The following HEMK2 variants were observed in gnomAD, a reference collection of about 807,000 sequenced individuals.
HEMK2 encodes the protein methyltransferase HEMK2.
the HEMK2 span, among the ~76,000 whole-genome samples, chr21:28,806,283 C>G: frequency 6.6e-6 from 1 of 152,216 alleles, no homozygotes; most frequent in South Asian, 2.1e-4. Flanking sequence ...AATAAATCTA[C>G]AAGGCAATAG....
the HEMK2 span, among the ~76,000 whole-genome samples, chr21:28,582,244 G>T: frequency 1.3e-5 from 2 of 152,104 alleles, no homozygotes; most frequent in Non-Finnish European, 2.9e-5. Context: ...TATTAGTCTC[G>T]CTTTGTTCCA....
the HEMK2 span, chr21:28,873,136 G>C: frequency 6.6e-6 from 1 of 152,148 alleles, no homozygotes; most frequent in Non-Finnish European, 1.5e-5. Context: ...CATTCCACCA[G>C]AAACACTCTA....
the HEMK2 span, among the ~76,000 whole-genome samples, chr21:28,637,203 G>T: frequency 6.6e-6 from 1 of 152,052 alleles, no homozygotes; most frequent in East Asian, 1.9e-4. Context: ...GGGCAGAAAG[G>T]GTATGTGTGT....
chr21:28,879,739 T>C, the HEMK2 span: 1 of 586,850 alleles, frequency 1.7e-6, no homozygotes, highest in Non-Finnish European at 2.8e-6. Context: ...ACTCAATTAC[T>C]GACAATTAGG....
At chr21:28,637,092 T>C in the HEMK2 span, among the ~76,000 whole-genome samples, 1 of 152,230 alleles carries the variant, frequency 6.6e-6, no homozygotes, top group Non-Finnish European at 1.5e-5. Context: ...GCAAATCTTC[T>C]GCTAAGTCAT....
At chr21:28,837,728 T>C in the HEMK2 span, among the ~76,000 whole-genome samples, 15 of 151,456 alleles carry the variant, frequency 9.9e-5, no homozygotes, top group Non-Finnish European at 2.1e-4. Flanking sequence ...ACAAAAAAAA[T>C]ACAAAAGATA....
the HEMK2 span, among the ~76,000 whole-genome samples, chr21:28,877,559 AAAAGG>A: frequency 6.3e-5 from 9 of 141,970 alleles, no homozygotes; most frequent in South Asian, 2.5e-4. Flanking sequence ...AAAGAAAAAG[AAAAGG>A]AAAGGAAAGA....
At chr21:28,733,274 G>A in the HEMK2 span, among the ~76,000 whole-genome samples, 13 of 152,108 alleles carry the variant, frequency 8.5e-5, no homozygotes, top group African/African-American at 2.9e-4. Context: ...GCAAGACTCC[G>A]TCTCAAAAAA....
the HEMK2 span, among the ~76,000 whole-genome samples, chr21:28,877,297 G>GAAGAAAGA: frequency 4.7e-5 from 6 of 126,460 alleles, no homozygotes; most frequent in African/African-American, 1.9e-4. Flanking sequence ...AGGAAGGAAG[G>GAAGAAAGA]AAGAGAGAGA....
the HEMK2 span, among the ~76,000 whole-genome samples, chr21:28,595,576 C>T: frequency 6.6e-6 from 1 of 152,124 alleles, no homozygotes; most frequent in South Asian, 2.1e-4. Flanking sequence ...AACCATTCAT[C>T]TGTTGATGAA....
At chr21:28,603,801 T>C in the HEMK2 span, among the ~76,000 whole-genome samples, 2 of 152,162 alleles carry the variant, frequency 1.3e-5, no homozygotes, top group Non-Finnish European at 2.9e-5. Flanking sequence ...TTGCAATAAA[T>C]GAACTTTCAC....
chr21:28,681,060 G>C, the HEMK2 span, among the ~76,000 whole-genome samples: 1 of 152,150 alleles, frequency 6.6e-6, no homozygotes, highest in African/African-American at 2.4e-5. Context: ...AGGGCAATTA[G>C]GCAGGAGAAG....
chr21:28,871,132 C>T, the HEMK2 span, among the ~76,000 whole-genome samples: 1 of 152,120 alleles, frequency 6.6e-6, no homozygotes, highest in Non-Finnish European at 1.5e-5. Flanking sequence ...TTTTCCTGGA[C>T]ACAATTTTAG....
chr21:28,780,367 CGG>C, the HEMK2 span, among the ~76,000 whole-genome samples: 4 of 146,590 alleles, frequency 2.7e-5, no homozygotes, highest in African/African-American at 1.1e-4. Context: ...TTAATAGAGA[CGG>C]GGTTTCACCG....
the HEMK2 span, among the ~76,000 whole-genome samples, chr21:28,868,448 G>A: frequency 5.3e-5 from 8 of 152,292 alleles, no homozygotes; most frequent in South Asian, 1.0e-3. Flanking sequence ...TTGGGAGGCC[G>A]AGGTGGAAGG....
At chr21:28,636,169 T>C in the HEMK2 span, among the ~76,000 whole-genome samples, 1 of 152,300 alleles carries the variant, frequency 6.6e-6, no homozygotes, top group African/African-American at 2.4e-5. Flanking sequence ...GTATCTTCAG[T>C]ACAAGGAAAT....
the HEMK2 span, among the ~76,000 whole-genome samples, chr21:28,810,936 T>C: frequency 1.3e-5 from 2 of 152,210 alleles, no homozygotes; most frequent in South Asian, 2.1e-4. Context: ...TATGCATTAT[T>C]GCAGGTTCAA....
At chr21:28,868,625 C>A in the HEMK2 span, among the ~76,000 whole-genome samples, 127,590 of 152,170 alleles carry the variant, frequency 0.84, 53,946 homozygotes, top group South Asian at 0.93. Flanking sequence ...TGGAGGTTGC[C>A]GTGAGCCAAG....
At chr21:28,838,972 AATAT>A in the HEMK2 span, among the ~76,000 whole-genome samples, 617 of 29,068 alleles carry the variant, frequency 0.021, 16 homozygotes, top group Non-Finnish European at 0.024. Context: ...AAAAAAAAAA[AATAT>A]ATATATATAT....
Sources: gnomAD v4.1 joint callset for allele counts (sites outside exome capture counted in the v4.1 genomes callset) on GRCh38, gnomAD v4.1.1 for gene constraint, MANE v1.5 for transcripts, NCBI Gene and HGNC (gene_info 2026-07-23, HGNC 2026-07-21) for gene names.